MGA: variants seen among roughly 807,000 people sequenced by gnomAD.
MGA encodes the protein MAX gene-associated protein.
A neutral mutation model predicts 261.1 loss-of-function variants in MGA; 40 were observed. The observed-to-expected ratio is 0.15, with a 90% CI of 0.12 to 0.20. MGA has a LOEUF of 0.20. Among genes scored for constraint, MGA ranks in the 10% least tolerant of loss-of-function variants. The probability of loss-of-function intolerance (pLI) is 1.00; values close to 1 mark genes in which losing one functional copy is unlikely to be tolerated. For missense variants in MGA, 3,397 were observed against 3,630.5 expected, an observed-to-expected ratio of 0.94 and a Z score of 1.65; for synonymous variants, 1,302 against 1,290.6, an observed-to-expected ratio of 1.01 and a Z score of -0.19.
intron 1 of MGA, among the ~76,000 whole-genome samples, chr15:41,627,204 A>G (rs1478814244): frequency 2.0e-5 from 3 of 152,164 alleles, no homozygotes; most frequent in African/African-American, 7.2e-5. Flanking sequence ...CACCCAGCCT[A>G]TTATAATTAA....
At chr15:41,641,000 C>T (rs1214888193) in intron 1 of MGA, among the ~76,000 whole-genome samples, 1 of 152,204 alleles carries the variant, frequency 6.6e-6, no homozygotes, top group Non-Finnish European at 1.5e-5. Flanking sequence ...ATTTCTCCCC[C>T]AGTCTTCCCA....
intron 1 of MGA, among the ~76,000 whole-genome samples, chr15:41,652,996 C>G (rs1393567391): frequency 1.3e-5 from 2 of 152,090 alleles, no homozygotes; most frequent in East Asian, 1.9e-4. Flanking sequence ...AATCTATATA[C>G]ATATAATTTG....
chr15:41,661,599 T>C (rs2057405565), intron 1 of MGA, among the ~76,000 whole-genome samples: 1 of 152,126 alleles, frequency 6.6e-6, no homozygotes, highest in African/African-American at 2.4e-5. Context: ...TGCACTCTTT[T>C]ATTGGGAAGA....
intron 11 of MGA, among the ~76,000 whole-genome samples, chr15:41,734,028 C>G (rs929888586): frequency 1.3e-5 from 2 of 151,640 alleles, no homozygotes; most frequent in Admixed American, 1.3e-4. Flanking sequence ...CTGTCTCAGC[C>G]TCCCAACCAA....
intron 11 of MGA, among the ~76,000 whole-genome samples, chr15:41,733,046 T>C (rs933082122): frequency 6.6e-6 from 1 of 152,080 alleles, no homozygotes; most frequent in African/African-American, 2.4e-5. Context: ...GCAACCACCG[T>C]CTCTGGGGTT....
At position 41,696,774 on chromosome 15, in the gene MGA, A is replaced by G; in HGVS notation, c.1764A>G (p.Thr588=). The stretch of plus-strand genomic sequence containing the variant: ...AAGAGGACTTGGGCAGAAAGAGAAC[A>G]ACTATGCTTAAGATTGCAACAGCCG... Residue 588 remains threonine (T), a synonymous_variant, in exon 3 of 24, where the codon ACA becomes ACG. Coordinates refer to ENST00000219905, the MANE Select transcript of MGA (RefSeq NM_001164273.2). The G allele has an allele frequency of 1.2e-6, 2 of 1,608,206 alleles. No individual in the cohort carries two copies. Among genetic ancestry groups the G allele is most frequent in the Non-Finnish European group, 1.7e-6 (2 of 1,177,198 alleles).
In MGA at chr15:41,696,598, C is replaced by G; in HGVS notation, c.1588C>G (p.Leu530Val). The G allele has an allele frequency of 6.2e-7, 1 of 1,613,898 alleles. No homozygotes were observed. Among genetic ancestry groups the G allele is most frequent in the Non-Finnish European group, 8.5e-7 (1 of 1,179,844 alleles). ...CTTAGGCAAGGAATCAGAAAATGGTCTTAGAAAACATTCACCAGATCTCAG... is the reference window on the plus strand; with the variant it reads ...CTTAGGCAAGGAATCAGAAAATGGTGTTAGAAAACATTCACCAGATCTCAG... The change falls in exon 3 of 24, where the codon CTT (leucine) becomes GTT (valine). Residue 530 changes from leucine (L) to valine (V), a missense_variant. By Grantham distance (32) the Leu-to-Val change is conservative. Transcript: ENST00000219905.
At chr15:41,753,252 A>G (rs540642326) in intron 17 of MGA, among the ~76,000 whole-genome samples, 7 of 152,296 alleles carry the variant, frequency 4.6e-5, no homozygotes, top group African/African-American at 1.2e-4. Context: ...TCTACTAACA[A>G]TACACAAATT....
chr15:41,682,970 A>G (rs369959119), intron 2 of MGA, among the ~76,000 whole-genome samples: 21 of 152,186 alleles, frequency 1.4e-4, no homozygotes, highest in African/African-American at 3.4e-4. Context: ...TCACCCCTCA[A>G]TTTCTTCTTA....
intron 1 of MGA, among the ~76,000 whole-genome samples, chr15:41,663,150 A>C (rs1352740173): frequency 1.3e-5 from 2 of 152,140 alleles, no homozygotes; most frequent in Non-Finnish European, 2.9e-5. Flanking sequence ...AAATTGTAAC[A>C]ATTTATGGAA....
At chr15:41,752,058 A>T (rs1241915342) in intron 17 of MGA, 3 of 152,160 alleles carry the variant, frequency 2.0e-5, no homozygotes, top group Admixed American at 1.3e-4. Flanking sequence ...TTAGCGATGG[A>T]GTCTTACTCT....
At chr15:41,681,278 A>G (rs986006417) in intron 2 of MGA, among the ~76,000 whole-genome samples, 12 of 152,136 alleles carry the variant, frequency 7.9e-5, no homozygotes, top group Non-Finnish European at 1.0e-4. Flanking sequence ...GCCTCTGTCT[A>G]GGTCATATGC....
At position 41,742,894 on chromosome 15, in the gene MGA, C is replaced by T. The variant is rs1183177835; in HGVS notation, c.4934C>T (p.Thr1645Ile). ...GTTGTTGAGGTCTCTGAAACTAATA[C>T]CAGCACCTCTGTAACATCTACCCAG... Residue 1645 changes from threonine (T) to isoleucine (I), a missense_variant, in exon 15 of 24, where the codon ACC becomes ATC. By Grantham distance (89) the Thr-to-Ile change is moderately conservative. Coordinates refer to ENST00000219905, the MANE Select transcript of MGA (RefSeq NM_001164273.2). 3 of 1,613,866 alleles carry T rather than the reference C, an allele frequency of 1.9e-6. No homozygotes were observed. Among genetic ancestry groups the T allele is most frequent in the African/African-American group, 2.7e-5 (2 of 74,914 alleles).
Position 41,743,165 on chromosome 15 carries a change from G to A in MGA, c.5205G>A (p.Gln1735=). ...TTAATGGGAGTCCACCAGTGAGCCAGAGACCAGGTAAGGCCTAGATGTTAC... is the reference window on the plus strand; with the variant it reads ...TTAATGGGAGTCCACCAGTGAGCCAAAGACCAGGTAAGGCCTAGATGTTAC... The change falls in exon 15 of 24, where the codon CAG becomes CAA. Residue 1735 remains glutamine (Q), a synonymous_variant. Transcript: ENST00000219905. The A allele has an allele frequency of 2.5e-6, 4 of 1,608,066 alleles. No individual in the cohort carries two copies. Among genetic ancestry groups the A allele is most frequent in the Non-Finnish European group, 3.4e-6 (4 of 1,176,556 alleles).
intron 5 of MGA, among the ~76,000 whole-genome samples, chr15:41,706,218 C>A (rs1438880553): frequency 5.1e-5 from 7 of 136,056 alleles, no homozygotes; most frequent in Non-Finnish European, 6.1e-5. Context: ...GTCTGGGCAA[C>A]AGAGTGAGAC....
chr15:41,638,673 C>T (rs1231016476), intron 1 of MGA, among the ~76,000 whole-genome samples: 5 of 147,150 alleles, frequency 3.4e-5, no homozygotes, highest in Non-Finnish European at 6.0e-5. Flanking sequence ...TTTACCTGGC[C>T]TTTCTTTTCT....
At chr15:41,717,271 G>A (rs1169209189) in intron 9 of MGA, among the ~76,000 whole-genome samples, 1 of 152,104 alleles carries the variant, frequency 6.6e-6, no homozygotes, top group Non-Finnish European at 1.5e-5. Flanking sequence ...GAGGTACTGT[G>A]CCTAGCTGTT....
intron 2 of MGA, among the ~76,000 whole-genome samples, chr15:41,690,742 G>A (rs1474924924): frequency 1.3e-5 from 2 of 152,076 alleles, no homozygotes; most frequent in East Asian, 1.9e-4. Flanking sequence ...TGAGTGGTGT[G>A]GTGGTATGTG....
intron 1 of MGA, among the ~76,000 whole-genome samples, chr15:41,643,907 T>C (rs139783986): frequency 1.3e-5 from 2 of 152,226 alleles, no homozygotes; most frequent in African/African-American, 4.8e-5. Context: ...AATCCAAGGT[T>C]GTGACTCTTT....
Sources: allele counts gnomAD v4.1 joint callset (sites outside exome capture counted in the v4.1 genomes callset), GRCh38; gene constraint gnomAD v4.1.1; transcripts MANE v1.5; gene names NCBI Gene and HGNC (gene_info 2026-07-23, HGNC 2026-07-21).